The following ADGRD1 variants were observed in gnomAD, a reference collection of about 807,000 sequenced individuals.
ADGRD1 encodes the protein adhesion G protein-coupled receptor D1.
Under a neutral mutation model 113.4 loss-of-function variants are expected in ADGRD1, and 77 were observed. That is an observed-to-expected ratio of 0.68 (90% CI 0.57 to 0.82). The LOEUF (loss-of-function observed/expected upper bound fraction) is 0.82. Among genes scored for constraint, ADGRD1 ranks in the 40% least tolerant of loss-of-function variants. The pLI, the probability that ADGRD1 is intolerant of heterozygous loss-of-function variation, is 0.00. For synonymous variants in ADGRD1, 474 were observed against 475.0 expected, an observed-to-expected ratio of 1.00 and a Z score of 0.03; for missense variants, 1,036 against 1,139.1, an observed-to-expected ratio of 0.91 and a Z score of 1.30.
At chr12:131,112,342 T>C (rs189493375) in intron 18 of ADGRD1, among the ~76,000 whole-genome samples, 102 of 152,342 alleles carry the variant, frequency 6.7e-4, no homozygotes, top group Non-Finnish European at 5.4e-4. Context: ...TATGGCTCTG[T>C]TGTTCCCAAC....
At chr12:131,048,937 GAAGA>G (rs529294528) in intron 13 of ADGRD1, among the ~76,000 whole-genome samples, 271 of 152,296 alleles carry the variant, frequency 1.8e-3, no homozygotes, top group African/African-American at 6.3e-3. Context: ...GTCTGAGAAG[GAAGA>G]AAGAAAGGAA....
intron 13 of ADGRD1, among the ~76,000 whole-genome samples, chr12:131,063,272 A>G (rs953792960): frequency 1.3e-5 from 2 of 152,218 alleles, no homozygotes; most frequent in African/African-American, 2.4e-5. Flanking sequence ...CCTTTTAACA[A>G]GAGTTTTTCA....
At chr12:130,994,163 C>T (rs1439911929) in intron 8 of ADGRD1, 7 of 381,048 alleles carry the variant, frequency 1.8e-5, no homozygotes, top group Non-Finnish European at 3.9e-5. Flanking sequence ...AGGGAAGGAC[C>T]CGCGGGGTGT....
intron 10 of ADGRD1, 109 bp from the exon 11 acceptor site, chr12:131,004,077 G>T: frequency 1.6e-6 from 1 of 641,748 alleles, no homozygotes; most frequent in Non-Finnish European, 2.8e-6. Context: ...TACTTCCCGT[G>T]GGGAGCTTGT....
rs1246467389 is a variant in ADGRD1 at position 131,003,987 on chromosome 12, G to A, written c.1145-199G>A. On this transcript the variant is annotated intron_variant, in intron 10 of 24. Transcript: ENST00000261654. This position sits in a 1 kb window ranked among gnomAD's most constrained non-coding sequence, Gnocchi z 4.8. Reference sequence around the variant, plus strand: ...GTGGGCCGGAATGCTGAGCCTCCCCGTGGCAGTCACTGCCTGGGCTCTTCA... The same window carrying A: ...GTGGGCCGGAATGCTGAGCCTCCCCATGGCAGTCACTGCCTGGGCTCTTCA... Among the ~76,000 whole-genome samples the A allele has an allele frequency of 6.6e-6, 1 of 151,742 alleles. No individual in the cohort carries two copies. The highest frequency in any genetic ancestry group is 1.5e-5 in the Non-Finnish European group (1 of 67,984).
At chr12:131,103,119 G>A (rs1950132593) in intron 15 of ADGRD1, among the ~76,000 whole-genome samples, 1 of 152,260 alleles carries the variant, frequency 6.6e-6, no homozygotes, top group African/African-American at 2.4e-5. Context: ...CCAGCCCCTG[G>A]GAAATTGGAA....
chr12:131,022,247 G>A lies in ADGRD1; in HGVS notation c.1473+7907G>A, dbSNP rs889974622. ...ACGTGGATGGCATGAGTGAGGTGGT[G>A]TCTGCCAGATGAACCCACTGTAAAG... is the stretch of plus-strand genomic sequence containing the variant. On this transcript the variant is annotated intron_variant, in intron 13 of 24. Coordinates refer to ENST00000261654, the MANE Select transcript of ADGRD1 (RefSeq NM_198827.5). The surrounding 1 kb of genome is among the most constrained non-coding windows in gnomAD (Gnocchi z 4.6). Among the ~76,000 whole-genome samples, 1 of 152,108 alleles carries A rather than the reference G, an allele frequency of 6.6e-6. No homozygotes were observed. Among genetic ancestry groups the A allele is most frequent in the African/African-American group, 2.4e-5 (1 of 41,418 alleles).
chr12:131,083,441 A>T (rs1414336096), intron 14 of ADGRD1, among the ~76,000 whole-genome samples: 1 of 152,142 alleles, frequency 6.6e-6, no homozygotes, highest in Non-Finnish European at 1.5e-5. Flanking sequence ...ATCTCTACAA[A>T]AATAAAAAGA....
At chr12:131,059,047 A>C (rs1447273312) in intron 13 of ADGRD1, among the ~76,000 whole-genome samples, 1 of 152,026 alleles carries the variant, frequency 6.6e-6, no homozygotes, top group Non-Finnish European at 1.5e-5. Flanking sequence ...TAATTGTTTA[A>C]AATCTATTTT....
chr12:131,103,530 C>G lies in ADGRD1; in HGVS notation c.1672-1301C>G, dbSNP rs543127791. Among the ~76,000 whole-genome samples, 96 of 152,278 alleles carry G rather than the reference C, an allele frequency of 6.3e-4. No individual in the cohort carries two copies. In the South Asian group the frequency reaches 0.019, roughly 30 times the overall value. On this transcript the variant is annotated intron_variant, in intron 15 of 24. Transcript: ENST00000261654. ...GTGCTTGCTGAGTGTTCGGGCTTCC[C>G]ATGGCCCCCTGGCCCCAGGTTGCTC...
intron 13 of ADGRD1, among the ~76,000 whole-genome samples, chr12:131,067,483 G>A (rs186858030): frequency 1.9e-4 from 29 of 152,282 alleles, no homozygotes; most frequent in Non-Finnish European, 4.4e-5. Flanking sequence ...TTCTGAGCAG[G>A]GGCTGCCCTC....
intron 12 of ADGRD1, among the ~76,000 whole-genome samples, chr12:131,006,671 G>A (rs1330555414): frequency 6.6e-5 from 10 of 151,862 alleles, no homozygotes; most frequent in African/African-American, 2.4e-4. Flanking sequence ...TGGGGACCAT[G>A]AGGGGGGCGG....
At chr12:130,989,581 C>A (rs118106082) in intron 6 of ADGRD1, 2,468 of 152,350 alleles carry the variant, frequency 0.016, 37 homozygotes, top group Non-Finnish European at 0.026. Flanking sequence ...TGCTCCCAGC[C>A]AGGCCGGGCC....
At chr12:131,065,490 TC>T (rs1884649062) in intron 13 of ADGRD1, among the ~76,000 whole-genome samples, 1 of 152,210 alleles carries the variant, frequency 6.6e-6, no homozygotes, top group Non-Finnish European at 1.5e-5. Context: ...GTCACCCCTG[TC>T]CCGTGGGAGG....
intron 8 of ADGRD1, among the ~76,000 whole-genome samples, chr12:130,997,189 C>CCT (rs1291919427): frequency 2.7e-5 from 1 of 36,606 alleles, no homozygotes; most frequent in Non-Finnish European, 6.2e-5. Context: ...GGGGGGCTGA[C>CCT]CCCCCCCCCC....
chr12:131,006,056 C>T lies in ADGRD1; in HGVS notation c.1331+9C>T, dbSNP rs745999614. 36 of 1,611,686 alleles carry T rather than the reference C, an allele frequency of 2.2e-5. No homozygotes were observed. Among genetic ancestry groups the T allele is most frequent in the South Asian group, 5.5e-5 (5 of 91,052 alleles). ...TGGCCCGCCCACACCAAGTGAGTCT[C>T]GGGGGTGCTCAGCTCAGGGGCGTGG... On this transcript the variant is annotated intron_variant, in intron 12 of 24. Coordinates refer to ENST00000261654, the MANE Select transcript of ADGRD1 (RefSeq NM_198827.5).
At position 130,998,149 on chromosome 12, in the gene ADGRD1, CAGAGGGAGACTGTGGAAAGAGAGGG is replaced by C. The variant is rs1393506090; in HGVS notation, c.967-2223_967-2199del. Among the ~76,000 whole-genome samples, 13 of 149,466 alleles carry C rather than the reference CAGAGGGAGACTGTGGAAAGAGAGGG, an allele frequency of 8.7e-5. No individual in the cohort carries two copies. The Middle Eastern group carries it at 0.01, about 119-fold the overall frequency. ...GTACAGTCCAGCTTCGGCTCGGCAT[CAGAGGGAGACTGTGGAAAGAGAGGG>C]AGAGGGAGACCGTGGGGAGAGGGAG... On this transcript the variant is annotated intron_variant, in intron 8 of 24. Coordinates refer to ENST00000261654, the MANE Select transcript of ADGRD1 (RefSeq NM_198827.5).
intron 4 of ADGRD1, chr12:130,973,165 C>T (rs1206612059): frequency 1.3e-5 from 2 of 152,224 alleles, no homozygotes; most frequent in African/African-American, 4.8e-5. Context: ...TCTCCAGTTC[C>T]CCTCAGTCCC....
intron 9 of ADGRD1, among the ~76,000 whole-genome samples, chr12:131,000,920 G>C (rs1230450411): frequency 6.6e-6 from 1 of 152,134 alleles, no homozygotes; most frequent in Admixed American, 6.5e-5. Flanking sequence ...AGCTCATTTT[G>C]AGTAGACATG....
Sources: allele counts gnomAD v4.1 joint callset (sites outside exome capture counted in the v4.1 genomes callset), GRCh38; gene constraint gnomAD v4.1.1; non-coding constraint Gnocchi (gnomAD v3.1); transcripts MANE v1.5; gene names NCBI Gene and HGNC (gene_info 2026-07-23, HGNC 2026-07-21).